FANCM: variants seen among roughly 807,000 people sequenced by gnomAD.
FANCM encodes FA complementation group M.
FANCM carries 140 observed loss-of-function variants against 199.5 expected under a neutral mutation model. That is an observed-to-expected ratio of 0.70 (90% CI 0.61 to 0.81). The LOEUF (loss-of-function observed/expected upper bound fraction) is 0.81, where lower values mean the gene tolerates loss of function less well. Ranked by LOEUF, FANCM falls within the 30% of genes least tolerant of loss-of-function variation. FANCM has a pLI of 0.00. For synonymous variants in FANCM, 840 were observed against 836.8 expected, an observed-to-expected ratio of 1.00 and a Z score of -0.07; for missense variants, 2,410 against 2,421.4, an observed-to-expected ratio of 1.00 and a Z score of 0.10.
chr14:45,189,222 A>G lies in FANCM; in HGVS notation c.5200A>G (p.Thr1734Ala), dbSNP rs756631911. Reference sequence around the variant, plus strand: ...TCCATTAGCAAAGCAGAGCAAACAGACATCGCTGAATTTAAAGGATACAAT... The same window carrying G: ...TCCATTAGCAAAGCAGAGCAAACAGGCATCGCTGAATTTAAAGGATACAAT... Reference protein sequence around the residue: ...VNPLAKQSKQTSLNLKDTISE... With the variant: ...VNPLAKQSKQASLNLKDTISE... Residue 1734 changes from threonine to alanine, a missense_variant, in exon 20 of 23, where the codon ACA (threonine) becomes GCA (alanine). By Grantham distance (58) the Thr-to-Ala change is moderately conservative (BLOSUM62 0). Coordinates refer to ENST00000267430, the MANE Select transcript of FANCM (RefSeq NM_020937.4). 10 of 1,614,150 alleles carry G rather than the reference A, an allele frequency of 6.2e-6. No homozygotes were observed. Among genetic ancestry groups the G allele is most frequent in the Non-Finnish European group, 8.5e-6 (10 of 1,180,010 alleles).
chr14:45,136,122 C>T lies in FANCM; in HGVS notation c.91C>T (p.Arg31Ter), dbSNP rs2139099982. 6.2e-7 allele frequency: 1 copy of T among 1,614,116 alleles called. No individual in the cohort carries two copies. Among genetic ancestry groups the T allele is most frequent in the Non-Finnish European group, 8.5e-7 (1 of 1,180,008 alleles). The change falls in exon 1 of 23, where the codon CGA (arginine) becomes TGA (stop). Residue 31 changes from arginine (R) to a stop codon, truncating the protein, a stop_gained. Coordinates refer to ENST00000267430, the MANE Select transcript of FANCM (RefSeq NM_020937.4). LOFTEE classifies it high-confidence loss of function. ...TCCGGGTTGCAGCTCCGGAACTGAG[C>T]GACCTCAGAGCCCTGGCAGCTCCAA... ...GTPGCSSGTE[R>*]PQSPGSSKAP...
chr14:45,175,555 C>G lies in FANCM; in HGVS notation c.2801C>G (p.Thr934Ser). Residue 934 changes from threonine to serine, a missense_variant, in exon 14 of 23, where the codon ACT (threonine) becomes AGT (serine). Physicochemically the swap from Thr to Ser is moderately conservative, Grantham distance 58. Transcript: ENST00000267430. Reference sequence around the variant, plus strand: ...GAGTGTCAGTTTACAAATAAATCCACTAGTTCACTTGCTGGAAATGTTTTA... The same window carrying G: ...GAGTGTCAGTTTACAAATAAATCCAGTAGTTCACTTGCTGGAAATGTTTTA... ...LTECQFTNKS[T>S]SSLAGNVLDS... The G allele has an allele frequency of 1.2e-6, 2 of 1,613,186 alleles. No individual in the cohort carries two copies. Among genetic ancestry groups the G allele is most frequent in the African/African-American group, 2.7e-5 (2 of 75,024 alleles).
intron 5 of FANCM, 68 bp from the exon 6 acceptor site, chr14:45,153,852 A>G: frequency 8.0e-7 from 1 of 1,247,650 alleles, no homozygotes; most frequent in South Asian, 1.2e-5. Flanking sequence ...ATGGCCTGAC[A>G]ACTTGGGCAT....
At chr14:45,190,975 C>G (rs755393766) in intron 20 of FANCM, among the ~76,000 whole-genome samples, 41 of 152,144 alleles carry the variant, frequency 2.7e-4, no homozygotes, top group Non-Finnish European at 5.6e-4. Flanking sequence ...TCATGTGATC[C>G]TCCTACCTCA....
At chr14:45,159,364 G>T in intron 9 of FANCM, 84 bp downstream of exon 9, 1 of 937,050 alleles carries the variant, frequency 1.1e-6, no homozygotes, top group Non-Finnish European at 1.7e-6. Flanking sequence ...TTAACTCACT[G>T]GTCAATTAGC....
Position 45,176,483 on chromosome 14 carries a change from T to A in FANCM, c.3729T>A (p.Asp1243Glu). The A allele has an allele frequency of 6.2e-7, 1 of 1,609,396 alleles. No homozygotes were observed. Among genetic ancestry groups the A allele is most frequent in the South Asian group, 1.1e-5 (1 of 90,314 alleles). The part of the protein sequence containing the change: ...DLGFCSPDSD[D>E]EILEHTSDSN... ...GATTCTGTAGTCCAGATTCTGATGA[T>A]GAAATATTGGAACATACATCAGATA... Residue 1243 changes from aspartate to glutamate, a missense_variant, in exon 14 of 23, where the codon GAT (aspartate) becomes GAA (glutamate). Physicochemically the swap from Asp to Glu is conservative, Grantham distance 45. Transcript: ENST00000267430.
intron 17 of FANCM, 148 bp downstream of exon 17, chr14:45,184,050 T>C: frequency 1.7e-6 from 1 of 599,762 alleles, no homozygotes; most frequent in South Asian, 2.5e-5. Flanking sequence ...TTACTGGAAT[T>C]AAATTCAAAG....
In FANCM at chr14:45,155,477, G is replaced by A; in HGVS notation, c.1396+18G>A. On this transcript the variant is annotated intron_variant, in intron 8 of 22. Transcript: ENST00000267430. ...ATGGAATGGTAGGTCATATTTAGTA[G>A]CTTTAAGGCAAGACAAAGTTATTGC... 1 of 1,270,562 alleles carries A rather than the reference G, an allele frequency of 7.9e-7. No individual in the cohort carries two copies. Among genetic ancestry groups the A allele is most frequent in the South Asian group, 1.2e-5 (1 of 84,116 alleles). The allele number at this position is 1,270,562 out of a possible 1,614,324, so 78.7% of individuals were successfully genotyped here.
At chr14:45,180,462 C>T (rs1342233623) in intron 14 of FANCM, among the ~76,000 whole-genome samples, 3 of 151,548 alleles carry the variant, frequency 2.0e-5, no homozygotes, top group Admixed American at 6.6e-5. Context: ...TTTTTTCCCC[C>T]ACCAGGCAGG....
Position 45,175,371 on chromosome 14 carries a change from G to A in FANCM, c.2617G>A (p.Gly873Ser), listed in dbSNP as rs538729337. Residue 873 changes from glycine to serine, a missense_variant, in exon 14 of 23, where the codon GGT becomes AGT. Gly to Ser is a moderately conservative substitution (Grantham distance 56). Coordinates refer to ENST00000267430, the MANE Select transcript of FANCM (RefSeq NM_020937.4). ...KDQLKKENNH[G>S]IIDSVDNDRN... ...TCAGCTTAAAAAAGAAAATAATCAC[G>A]GTATTATAGATTCTGTAGATAATGA... The A allele has an allele frequency of 5.1e-6, 8 of 1,559,248 alleles. No homozygotes were observed. Among genetic ancestry groups the A allele is most frequent in the East Asian group, 2.2e-5 (1 of 44,500 alleles).
chr14:45,190,195 C>T (rs927892152), intron 20 of FANCM, among the ~76,000 whole-genome samples: 1 of 151,932 alleles, frequency 6.6e-6, no homozygotes, highest in Non-Finnish European at 1.5e-5. Flanking sequence ...AACTGTTTCT[C>T]GTTTTTAAGG....
intron 3 of FANCM, among the ~76,000 whole-genome samples, chr14:45,143,128 C>G (rs1886093207): frequency 6.7e-6 from 1 of 149,908 alleles, no homozygotes; most frequent in Non-Finnish European, 1.5e-5. Flanking sequence ...CCAGCTTTGT[C>G]TGTTAGGAGC....
At position 45,179,253 on chromosome 14, in the gene FANCM, T is replaced by C. The variant is rs1888908123; in HGVS notation, c.4223-2177T>C. The stretch of plus-strand genomic sequence containing the variant: ...CTTACTCTCTGACTGAATAGTACTG[T>C]AAGGCACAATCTTTGATTTTTAAGG... On this transcript the variant is annotated intron_variant, in intron 14 of 22. Coordinates refer to ENST00000267430, the MANE Select transcript of FANCM (RefSeq NM_020937.4). 2.0e-5 allele frequency among the ~76,000 whole-genome samples: 3 copies of C among 152,192 alleles called. No individual in the cohort carries two copies. In the South Asian group the frequency reaches 6.2e-4, roughly 32 times the overall value.
In FANCM at chr14:45,200,278, A is replaced by T. The variant is rs2139333238; in HGVS notation, c.*270A>T. ...GTTACTAAGGATAGTTTAAGAAAGT[A>T]AAAGCTAAGCTAGAGATATACTTTG... On this transcript the variant is annotated 3_prime_UTR_variant, in exon 23 of 23. Transcript: ENST00000267430. 1 of 164,382 alleles carries T rather than the reference A, an allele frequency of 6.1e-6. No homozygotes were observed. Among genetic ancestry groups the T allele is most frequent in the Non-Finnish European group, 1.3e-5 (1 of 78,134 alleles). 10.2% of individuals were successfully genotyped at this position (164,382 alleles called of 1,614,324 possible).
chr14:45,196,941 G>T (rs1471143572), intron 21 of FANCM, among the ~76,000 whole-genome samples: 1 of 152,182 alleles, frequency 6.6e-6, no homozygotes, highest in Non-Finnish European at 1.5e-5. Context: ...GGGCAGTTAA[G>T]TAGTGGTACT....
At chr14:45,160,522 C>T (rs1887523981) in intron 9 of FANCM, among the ~76,000 whole-genome samples, 1 of 150,402 alleles carries the variant, frequency 6.6e-6, no homozygotes, top group African/African-American at 2.4e-5. Flanking sequence ...GACAGGGTTT[C>T]ACCATGTTGG....
Position 45,136,345 on chromosome 14 carries a change from G to T in FANCM, c.314G>T (p.Cys105Phe), listed in dbSNP as rs955997534. 4.3e-6 allele frequency: 7 copies of T among 1,614,046 alleles called. No homozygotes were observed. Among genetic ancestry groups the T allele is most frequent in the Non-Finnish European group, 5.9e-6 (7 of 1,180,030 alleles). ...CACATTTCCCGGGCTGCTCTGTTTT[G>T]CAATACGCTGGTGTGTCTGCCTACC... ...QLHISRAALF[C>F]NTLVCLPTGL... The change falls in exon 1 of 23, where the codon TGC (cysteine) becomes TTC (phenylalanine). Residue 105 changes from cysteine to phenylalanine, a missense_variant. Transcript: ENST00000267430.
intron 5 of FANCM, among the ~76,000 whole-genome samples, chr14:45,152,258 G>A (rs1032394560): frequency 1.3e-5 from 2 of 152,048 alleles, no homozygotes; most frequent in Non-Finnish European, 2.9e-5. Context: ...TCGACCTCCT[G>A]ACCTCAGGTG....
At chr14:45,147,203 ACTGCGC>A (rs1174513086) in intron 3 of FANCM, among the ~76,000 whole-genome samples, 1 of 152,188 alleles carries the variant, frequency 6.6e-6, no homozygotes, top group East Asian at 1.9e-4. Context: ...CGTATTGGGC[ACTGCGC>A]CAGGTATTGG....
Sources: allele counts gnomAD v4.1 joint callset (sites outside exome capture counted in the v4.1 genomes callset), GRCh38; gene constraint gnomAD v4.1.1; transcripts MANE v1.5; gene names NCBI Gene and HGNC (gene_info 2026-07-23, HGNC 2026-07-21).